Variants in IFT81 observed in about 807,000 individuals in gnomAD.
IFT81 encodes intraflagellar transport 81, also known as intraflagellar transport protein 81 homolog.
In IFT81, 72 loss-of-function variants were observed where a neutral mutation model predicts 102.6. The observed-to-expected ratio is 0.70, with a 90% CI of 0.58 to 0.85. IFT81 has a LOEUF of 0.85. IFT81 is among the 40% of genes least tolerant of loss of function. IFT81 has a pLI of 0.00. For missense variants in IFT81, 723 were observed against 787.3 expected (o/e 0.92, Z 0.98); for synonymous variants, 237 against 242.7 (o/e 0.98, Z 0.22).
intron 15 of IFT81, chr12:110,205,198 C>T (rs1160181216): frequency 3.6e-6 from 1 of 277,156 alleles, no homozygotes; most frequent in Non-Finnish European, 6.7e-6. Context: ...TGCACCACTG[C>T]ACTCCATCCT....
chr12:110,177,558 A>G (rs1228601495), intron 11 of IFT81, among the ~76,000 whole-genome samples: 1 of 152,170 alleles, frequency 6.6e-6, no homozygotes, highest in African/African-American at 2.4e-5. Context: ...TGCTAGGATT[A>G]CAGGTATGAG....
At chr12:110,176,049 C>T (rs949021340) in intron 11 of IFT81, among the ~76,000 whole-genome samples, 9 of 152,082 alleles carry the variant, frequency 5.9e-5, no homozygotes, top group Admixed American at 2.0e-4. Flanking sequence ...TATGTTTCCA[C>T]GACTCCTCAC....
intron 10 of IFT81, among the ~76,000 whole-genome samples, chr12:110,159,408 C>T (rs922174900): frequency 6.6e-6 from 1 of 152,088 alleles, no homozygotes; most frequent in Non-Finnish European, 1.5e-5. Context: ...TGCAGTGAGC[C>T]AAGATTGGGC....
chr12:110,136,056 C>T (rs977091230), intron 7 of IFT81, among the ~76,000 whole-genome samples: 1 of 152,030 alleles, frequency 6.6e-6, no homozygotes, highest in Non-Finnish European at 1.5e-5. Context: ...AGAATCTCTA[C>T]AGGATGCTTT....
At chr12:110,145,028 ATT>A (rs753990394) in intron 9 of IFT81, among the ~76,000 whole-genome samples, 29 of 111,000 alleles carry the variant, frequency 2.6e-4, no homozygotes, top group South Asian at 8.5e-4. Flanking sequence ...ACTATGCCTA[ATT>A]TTTTTTTTTT....
rs192896124 is a variant in IFT81, at chr12:110,139,439, C to G, written c.781+2579C>G. Among the ~76,000 whole-genome samples the G allele has an allele frequency of 2.4e-4, 37 of 151,626 alleles. No individual in the cohort carries two copies. The East Asian group carries it at 5.6e-3, about 23-fold the overall frequency. On this transcript the variant is annotated intron_variant, in intron 8 of 18. Coordinates refer to ENST00000242591, the MANE Select transcript of IFT81 (RefSeq NM_014055.4). Reference sequence around the variant, plus strand: ...CCTATAATCATACTCCTTTGGGAGGCCAAGGTAAGAGGATCACTTGAGCCC... The same window carrying G: ...CCTATAATCATACTCCTTTGGGAGGGCAAGGTAAGAGGATCACTTGAGCCC...
chr12:110,172,042 C>T (rs1011519673), intron 11 of IFT81: 1 of 152,198 alleles, frequency 6.6e-6, no homozygotes, highest in African/African-American at 2.4e-5. Flanking sequence ...GATTTGAAGA[C>T]AAAAGTGTTC....
intron 11 of IFT81, among the ~76,000 whole-genome samples, chr12:110,175,333 C>CA (rs1443936118): frequency 6.6e-6 from 1 of 152,184 alleles, no homozygotes; most frequent in Non-Finnish European, 1.5e-5. Context: ...TTGGCACACT[C>CA]ACAATATTTG....
intron 14 of IFT81, among the ~76,000 whole-genome samples, chr12:110,196,484 T>C (rs1365071875): frequency 6.6e-6 from 1 of 152,182 alleles, no homozygotes; most frequent in Non-Finnish European, 1.5e-5. Flanking sequence ...TATGCCACTG[T>C]GCTCCATCCT....
chr12:110,198,902 C>T (rs554407564), intron 14 of IFT81, among the ~76,000 whole-genome samples: 7 of 151,638 alleles, frequency 4.6e-5, no homozygotes, highest in South Asian at 4.2e-4. Flanking sequence ...CTCCGTGTCC[C>T]GGGTTCAAGC....
At chr12:110,180,686 C>A in intron 12 of IFT81, 115 bp downstream of exon 12, 4 of 667,458 alleles carry the variant, frequency 6.0e-6, no homozygotes, top group Middle Eastern at 3.4e-4. Flanking sequence ...TATTACTTTT[C>A]TCTGATTAAT....
rs771338486 is a variant in IFT81, at chr12:110,147,005, G to T, written c.998G>T (p.Arg333Ile). The change falls in exon 10 of 19, where the codon AGA becomes ATA. Residue 333 changes from arginine (R) to isoleucine (I), a missense_variant. Physicochemically the swap from Arg to Ile is moderately conservative, Grantham distance 97 (BLOSUM62 -3). Coordinates refer to ENST00000242591, the MANE Select transcript of IFT81 (RefSeq NM_014055.4). Reference protein sequence around the residue: ...INQLIEKKMMRNEPIEGKLSL... With the variant: ...INQLIEKKMMINEPIEGKLSL... ...CAGTTGATTGAAAAGAAAATGATGAGAAATGAGCCCATTGAAGGCAAACTC... is the reference window on the plus strand; with the variant it reads ...CAGTTGATTGAAAAGAAAATGATGATAAATGAGCCCATTGAAGGCAAACTC... The T allele has an allele frequency of 6.2e-7, 1 of 1,611,312 alleles. No individual in the cohort carries two copies. Among genetic ancestry groups the T allele is most frequent in the Non-Finnish European group, 8.5e-7 (1 of 1,178,720 alleles).
At chr12:110,157,175 C>T (rs560310236) in intron 10 of IFT81, among the ~76,000 whole-genome samples, 121 of 152,074 alleles carry the variant, frequency 8.0e-4, no homozygotes, top group African/African-American at 2.8e-3. Flanking sequence ...TGGTGAAACC[C>T]CGTCTCTACC....
chr12:110,217,178 G>A (rs1430587697), intron 18 of IFT81, among the ~76,000 whole-genome samples: 1 of 152,010 alleles, frequency 6.6e-6, no homozygotes, highest in Middle Eastern at 3.2e-3. Context: ...CTGAGTAGCA[G>A]GGACTACAGG....
At chr12:110,177,825 TG>T (rs1437297532) in intron 11 of IFT81, among the ~76,000 whole-genome samples, 1 of 152,206 alleles carries the variant, frequency 6.6e-6, no homozygotes, top group African/African-American at 2.4e-5. Flanking sequence ...CCGGGCGCAG[TG>T]GCTCATGCCT....
intron 17 of IFT81, among the ~76,000 whole-genome samples, chr12:110,206,576 G>A (rs559894386): frequency 3.9e-5 from 6 of 151,986 alleles, no homozygotes; most frequent in Admixed American, 6.6e-5. Context: ...TTAGGAGGCC[G>A]AGGCGTGGGA....
chr12:110,142,230 C>T (rs958661381), intron 8 of IFT81, among the ~76,000 whole-genome samples: 7 of 152,048 alleles, frequency 4.6e-5, no homozygotes, highest in Admixed American at 1.3e-4. Flanking sequence ...GATGGTGACA[C>T]GATCTTGGCT....
chr12:110,192,043 C>G (rs1402647486), intron 13 of IFT81, among the ~76,000 whole-genome samples: 1 of 151,990 alleles, frequency 6.6e-6, no homozygotes, highest in African/African-American at 2.4e-5. Context: ...TGGTGTCGCA[C>G]TCCTGTAGTT....
chr12:110,147,275 C>T lies in IFT81; in HGVS notation c.1041+227C>T, dbSNP rs149860386. On this transcript the variant is annotated intron_variant, in intron 10 of 18. Transcript: ENST00000242591. ...TAATGCTTAGTTTCCTTAGCATGTA[C>T]GAACTGTGGTAATAGAGCTATTTGT... Among the ~76,000 whole-genome samples the T allele has an allele frequency of 4.8e-3, 728 of 152,212 alleles. 4 individuals carry two copies. The highest frequency in any genetic ancestry group is 0.017 in the African/African-American group (706 of 41,534).
Sources: gnomAD v4.1 joint callset for allele counts (sites outside exome capture counted in the v4.1 genomes callset) on GRCh38, gnomAD v4.1.1 for gene constraint, MANE v1.5 for transcripts, NCBI Gene and HGNC (gene_info 2026-07-23, HGNC 2026-07-21) for gene names.